Variants in AOPEP observed in about 807,000 individuals in gnomAD.
AOPEP encodes the protein aminopeptidase O (putative).
In AOPEP, 77 loss-of-function variants were observed where a neutral mutation model predicts 98.1. The observed-to-expected ratio is 0.78, with a 90% CI of 0.65 to 0.95. The LOEUF is 0.95. Among genes scored for constraint, AOPEP ranks in the 40% least tolerant of loss-of-function variants. AOPEP has a pLI of 0.00. For synonymous variants in AOPEP, 346 were observed against 365.3 expected (o/e 0.95, Z 0.60); for missense variants, 1,024 against 1,024.7 (o/e 1.00, Z 0.01).
At chr9:94,904,367 G>T (rs2050846671) in intron 5 of AOPEP, 1 of 152,116 alleles carries the variant, frequency 6.6e-6, no homozygotes, top group Non-Finnish European at 1.5e-5. Flanking sequence ...ATTTGAAGCA[G>T]TTTTTTTCAA....
intron 5 of AOPEP, among the ~76,000 whole-genome samples, chr9:94,853,071 A>T (rs1564260166): frequency 6.6e-6 from 1 of 152,232 alleles, no homozygotes; most frequent in Non-Finnish European, 1.5e-5. Context: ...AGAAATGTAT[A>T]TGTTGTGGAT....
intron 11 of AOPEP, among the ~76,000 whole-genome samples, chr9:94,983,647 C>T (rs2060331713): frequency 6.6e-6 from 1 of 152,186 alleles, no homozygotes; most frequent in Non-Finnish European, 1.5e-5. Context: ...TGGTCAAAGT[C>T]ACCCTTTTCA....
chr9:94,766,397 C>T lies in AOPEP; in HGVS notation c.797+5817C>T, dbSNP rs182503384. 4.4e-3 allele frequency among the ~76,000 whole-genome samples: 676 copies of T among 152,222 alleles called. 7 individuals carry two copies. The highest frequency in any genetic ancestry group is 0.02 in the Middle Eastern group (6 of 294). ...ACTAAAATACAAAAAATTAGCCGGG[C>T]GTGGTGGCGGGCGCCCGTTGTCCCA... On this transcript the variant is annotated intron_variant, in intron 2 of 16. Transcript: ENST00000375315.
At chr9:94,779,050 A>T (rs2031698) in intron 3 of AOPEP, among the ~76,000 whole-genome samples, 4 of 151,704 alleles carry the variant, frequency 2.6e-5, no homozygotes, top group Non-Finnish European at 5.9e-5. Context: ...GTACACATTT[A>T]TTGTATATGT....
At chr9:94,840,929 G>T (rs1457434345) in intron 5 of AOPEP, among the ~76,000 whole-genome samples, 2 of 152,122 alleles carry the variant, frequency 1.3e-5, no homozygotes, top group Middle Eastern at 3.4e-3. Flanking sequence ...TCTTTTCAAA[G>T]AATCATCTTT....
the AOPEP span, among the ~76,000 whole-genome samples, chr9:95,102,414 G>C: frequency 6.6e-6 from 1 of 152,204 alleles, no homozygotes; most frequent in East Asian, 1.9e-4. Flanking sequence ...GTACTTGTTG[G>C]TGCCTGTAAG....
intron 7 of AOPEP, among the ~76,000 whole-genome samples, chr9:94,936,355 C>A (rs2056275345): frequency 6.6e-6 from 1 of 152,124 alleles, no homozygotes; most frequent in Non-Finnish European, 1.5e-5. Flanking sequence ...GCTCAGAGAC[C>A]CCTCCTGTGG....
At chr9:95,047,969 C>G (rs947449026) in intron 13 of AOPEP, among the ~76,000 whole-genome samples, 6 of 152,122 alleles carry the variant, frequency 3.9e-5, no homozygotes, top group African/African-American at 1.2e-4. Flanking sequence ...CAGAAAGCTG[C>G]CCTGGGTGGT....
chr9:94,890,429 C>G (rs2048753813), intron 5 of AOPEP, among the ~76,000 whole-genome samples: 1 of 152,138 alleles, frequency 6.6e-6, no homozygotes. Flanking sequence ...TCCCAAAGTG[C>G]TGGGATTACA....
chr9:94,962,242 C>T (rs893462331), intron 9 of AOPEP, among the ~76,000 whole-genome samples: 1 of 152,168 alleles, frequency 6.6e-6, no homozygotes, highest in Non-Finnish European at 1.5e-5. Context: ...AGCAGTTCAC[C>T]GAAGAGAGTC....
In AOPEP at chr9:94,923,973, C is replaced by A; in HGVS notation, c.1365-13C>A. On this transcript the variant is annotated splice_polypyrimidine_tract_variant and intron_variant, in intron 5 of 16. Coordinates refer to ENST00000375315, the MANE Select transcript of AOPEP (RefSeq NM_001193329.3). Reference sequence around the variant, plus strand: ...AACAAGACTCTGTGCATTTTCTCCCCCATTATCCACAGCCCACACATCATG... The same window carrying A: ...AACAAGACTCTGTGCATTTTCTCCCACATTATCCACAGCCCACACATCATG... The A allele has an allele frequency of 7.2e-7, 1 of 1,390,136 alleles. No individual in the cohort carries two copies. The highest frequency in any genetic ancestry group is 1.5e-5 in the African/African-American group (1 of 67,756). The allele number at this position is 1,390,136 out of a possible 1,614,324, so 86.1% of individuals were successfully genotyped here. A position where few individuals can be genotyped will look rare whatever the true frequency, so the allele number is the denominator to read the frequency against.
At chr9:94,994,676 G>A (rs2061109889) in intron 11 of AOPEP, among the ~76,000 whole-genome samples, 1 of 152,192 alleles carries the variant, frequency 6.6e-6, no homozygotes, top group Non-Finnish European at 1.5e-5. Context: ...TTCAGGCTGG[G>A]CATGGTGGCT....
chr9:94,800,352 C>CT (rs1187283520), intron 4 of AOPEP, among the ~76,000 whole-genome samples: 2 of 152,124 alleles, frequency 1.3e-5, no homozygotes, highest in East Asian at 3.9e-4. Flanking sequence ...CTGCTCCTTC[C>CT]TTTCTGAGTT....
chr9:94,907,947 G>T (rs935734634), intron 5 of AOPEP, among the ~76,000 whole-genome samples: 1 of 152,164 alleles, frequency 6.6e-6, no homozygotes, highest in African/African-American at 2.4e-5. Context: ...TCTTTGAACT[G>T]CTGGTTTCTT....
intron 5 of AOPEP, among the ~76,000 whole-genome samples, chr9:94,907,656 C>A (rs544523258): frequency 2.0e-5 from 3 of 152,172 alleles, no homozygotes; most frequent in Admixed American, 1.3e-4. Context: ...TCTCCAGCCT[C>A]GGGGTATCAA....
chr9:95,081,008 C>T (rs561023963), intron 15 of AOPEP: 2 of 538,760 alleles, frequency 3.7e-6, no homozygotes, highest in African/African-American at 1.9e-5. Context: ...CCTTGTGGCC[C>T]ACACGTCATC....
chr9:95,118,931 A>G, the AOPEP span, among the ~76,000 whole-genome samples: 1 of 152,238 alleles, frequency 6.6e-6, no homozygotes, highest in African/African-American at 2.4e-5. Context: ...TGGGGATGCC[A>G]TCGGAATGGA....
chr9:94,880,584 G>A (rs962970950), intron 5 of AOPEP, among the ~76,000 whole-genome samples: 1 of 152,012 alleles, frequency 6.6e-6, no homozygotes, highest in Non-Finnish European at 1.5e-5. Context: ...TTGAACTTCT[G>A]GGCTCAAGCA....
chr9:95,023,532 T>G (rs1008803694), intron 13 of AOPEP, among the ~76,000 whole-genome samples: 1 of 152,240 alleles, frequency 6.6e-6, no homozygotes, highest in African/African-American at 2.4e-5. Context: ...AAAGGGAGTT[T>G]TAGTTGAAGT....
Sources: allele counts gnomAD v4.1 joint callset (sites outside exome capture counted in the v4.1 genomes callset), GRCh38; gene constraint gnomAD v4.1.1; transcripts MANE v1.5; gene names NCBI Gene and HGNC (gene_info 2026-07-23, HGNC 2026-07-21).